The following IL1RL2 variants were observed in gnomAD, a reference collection of about 807,000 sequenced individuals.
IL1RL2 encodes the protein interleukin 1 receptor like 2.
IL1RL2 carries 68 observed loss-of-function variants against 66.8 expected under a neutral mutation model. The ratio of observed to expected loss-of-function variants is 1.02; its 90% confidence interval spans 0.84 to 1.25. The LOEUF is 1.25. Among genes scored for constraint, IL1RL2 ranks in the 50% most tolerant of loss-of-function variants. IL1RL2 has a pLI of 0.00. For synonymous variants in IL1RL2, 305 were observed against 264.6 expected, an observed-to-expected ratio of 1.15 and a Z score of -1.48; for missense variants, 729 against 709.3, an observed-to-expected ratio of 1.03 and a Z score of -0.32.
At chr2:102,238,387 G>C (rs1032754291) in intron 11 of IL1RL2, among the ~76,000 whole-genome samples, 2 of 152,168 alleles carry the variant, frequency 1.3e-5, no homozygotes, top group Non-Finnish European at 2.9e-5. Flanking sequence ...GACCAAGCAA[G>C]ATGAAGATAT....
At chr2:102,191,567 T>C (rs2104710444) in intron 3 of IL1RL2, among the ~76,000 whole-genome samples, 2 of 152,352 alleles carry the variant, frequency 1.3e-5, no homozygotes, top group Middle Eastern at 6.8e-3. Flanking sequence ...TTGTATTACC[T>C]CCTTCATTGG....
At chr2:102,194,911 T>C (rs1165736562) in intron 4 of IL1RL2, among the ~76,000 whole-genome samples, 1 of 152,140 alleles carries the variant, frequency 6.6e-6, no homozygotes, top group Non-Finnish European at 1.5e-5. Flanking sequence ...GGTATCATTT[T>C]TTTTTTTCTG....
At chr2:102,213,894 A>G in intron 6 of IL1RL2, among the ~76,000 whole-genome samples, 1 of 152,196 alleles carries the variant, frequency 6.6e-6, no homozygotes, top group South Asian at 2.1e-4. Flanking sequence ...TTAAACTTCC[A>G]GCAAATCTAA....
chr2:102,223,435 G>T (rs1267789508), intron 8 of IL1RL2, among the ~76,000 whole-genome samples: 2 of 152,162 alleles, frequency 1.3e-5, no homozygotes, highest in African/African-American at 4.8e-5. Context: ...TTGAAGGCTG[G>T]TAGTAGTCAA....
Position 102,219,028 on chromosome 2 carries a change from A to G in IL1RL2, c.800A>G (p.Asn267Ser), listed in dbSNP as rs1282187332. 6.2e-7 allele frequency: 1 copy of G among 1,613,832 alleles called. No homozygotes were observed. The highest frequency in any genetic ancestry group is 1.7e-5 in the Admixed American group (1 of 59,990). ...NTNLRCWRVNNTLVDDYYDES... is the reference protein window; with the variant it reads ...NTNLRCWRVNSTLVDDYYDES... ...AATCTACGATGCTGGAGAGTCAATA[A>G]CACTTTGGTGGATGATTACTATGAT... Residue 267 changes from asparagine (N) to serine (S), a missense_variant, in exon 7 of 12, where the codon AAC (asparagine) becomes AGC (serine). Transcript: ENST00000264257.
rs910680322 is a variant in IL1RL2 at position 102,239,849 on chromosome 2, C to T, written c.*608C>T. ...ATGGTGGGTGAGAGTTGGGATTCAT[C>T]CCCATGTCATGGTGGGCTGAGCCCA... On this transcript the variant is annotated 3_prime_UTR_variant, in exon 12 of 12. Transcript: ENST00000264257. The T allele has an allele frequency of 6.5e-6, 1 of 154,682 alleles. No individual in the cohort carries two copies. The highest frequency in any genetic ancestry group is 1.9e-4 in the East Asian group (1 of 5,266). 9.6% of individuals were successfully genotyped at this position (154,682 alleles called of 1,614,324 possible). A position where few individuals can be genotyped will look rare whatever the true frequency, so the allele number is the denominator to read the frequency against.
At chr2:102,235,986 A>G (rs1674844790) in intron 11 of IL1RL2, 3 of 965,802 alleles carry the variant, frequency 3.1e-6, no homozygotes. Context: ...TCTCTTTTAG[A>G]CACATGTCAA....
At chr2:102,224,977 G>T (rs931190907) in intron 8 of IL1RL2, among the ~76,000 whole-genome samples, 3 of 152,188 alleles carry the variant, frequency 2.0e-5, no homozygotes, top group Non-Finnish European at 4.4e-5. Context: ...ATGAGGAAAG[G>T]GCTGAAGAAG....
chr2:102,242,063 C>T (rs1334962240), downstream of IL1RL2, among the ~76,000 whole-genome samples: 3 of 152,124 alleles, frequency 2.0e-5, no homozygotes, highest in African/African-American at 4.8e-5. Context: ...TTTTTAAAAA[C>T]AAAGAAACTC....
intron 8 of IL1RL2, among the ~76,000 whole-genome samples, chr2:102,223,241 T>C (rs1559554841): frequency 6.6e-6 from 1 of 152,220 alleles, no homozygotes; most frequent in Non-Finnish European, 1.5e-5. Flanking sequence ...AAACCTCTTG[T>C]TGGTTTACTT....
At chr2:102,235,665 G>T (rs995712671) in intron 11 of IL1RL2, 2 of 985,270 alleles carry the variant, frequency 2.0e-6, no homozygotes, top group African/African-American at 1.7e-5. Flanking sequence ...AGCCTGTGCT[G>T]TCGGGGGACC....
At chr2:102,240,864 G>C (rs764187961), downstream of IL1RL2, among the ~76,000 whole-genome samples, 4 of 152,238 alleles carry the variant, frequency 2.6e-5, no homozygotes, top group Non-Finnish European at 5.9e-5. Context: ...ATGACATCAA[G>C]AGGAAAAGAA....
At chr2:102,195,631 C>CTTTCCTTCTT (rs1559530311) in intron 4 of IL1RL2, among the ~76,000 whole-genome samples, 7 of 24,402 alleles carry the variant, frequency 2.9e-4, no homozygotes, top group African/African-American at 6.8e-4. Flanking sequence ...CTTTCTTTCT[C>CTTTCCTTCTT]TCTCTCTCTC....
In IL1RL2 at chr2:102,207,222, G is replaced by C. The variant is rs1040581273; in HGVS notation, c.650-4878G>C. The stretch of plus-strand genomic sequence containing the variant: ...CCAGAATCAGGGACCTCAAGAGCCT[G>C]CTTCATGACCTACCCTCCCCTGTGG... On this transcript the variant is annotated intron_variant, in intron 5 of 11. Transcript: ENST00000264257. 4.6e-5 allele frequency among the ~76,000 whole-genome samples: 7 copies of C among 151,998 alleles called. No homozygotes were observed. In the South Asian group the frequency reaches 1.5e-3, roughly 32 times the overall value.
rs900739661 is a variant in IL1RL2, at chr2:102,233,035, C to T, written c.1208C>T (p.Ala403Val). The T allele has an allele frequency of 2.5e-6, 4 of 1,614,160 alleles. 1 individual carries two copies. The South Asian group carries it at 4.4e-5, about 18-fold the overall frequency. Residue 403 changes from alanine (A) to valine (V), a missense_variant, in exon 10 of 12, where the codon GCC becomes GTC. Transcript: ENST00000264257. ...GAAAGCCAGAGGCATGCCGTGGATG[C>T]CCTGGTGTTGAATATCCTGCCCGAG... is the stretch of plus-strand genomic sequence containing the variant. ...HKESQRHAVD[A>V]LVLNILPEVL...
chr2:102,242,547 A>T (rs1559573821), downstream of IL1RL2, among the ~76,000 whole-genome samples: 1 of 152,148 alleles, frequency 6.6e-6, no homozygotes, highest in African/African-American at 2.4e-5. Context: ...AAGGCAGAAG[A>T]TGAGATGGTT....
intron 4 of IL1RL2, among the ~76,000 whole-genome samples, chr2:102,193,130 A>G (rs1201586823): frequency 6.6e-6 from 1 of 152,134 alleles, no homozygotes; most frequent in Non-Finnish European, 1.5e-5. Context: ...TACTCTTTTC[A>G]AAAGCTAACT....
At chr2:102,210,051 G>A (rs1269739782) in intron 5 of IL1RL2, among the ~76,000 whole-genome samples, 4 of 152,160 alleles carry the variant, frequency 2.6e-5, no homozygotes, top group Non-Finnish European at 5.9e-5. Flanking sequence ...AAGCGTGAAG[G>A]AAAGGAAAAA....
downstream of IL1RL2, among the ~76,000 whole-genome samples, chr2:102,241,118 G>A (rs577981510): frequency 6.6e-6 from 1 of 152,348 alleles, no homozygotes; most frequent in East Asian, 1.9e-4. Flanking sequence ...CGGGCATCCC[G>A]GGGTGCACAC....
Sources: allele counts gnomAD v4.1 joint callset (sites outside exome capture counted in the v4.1 genomes callset), GRCh38; gene constraint gnomAD v4.1.1; transcripts MANE v1.5; gene names NCBI Gene and HGNC (gene_info 2026-07-23, HGNC 2026-07-21).